The following LRRTM3 variants were observed in gnomAD, a reference collection of about 807,000 sequenced individuals.
LRRTM3 encodes leucine rich repeat transmembrane neuronal 3, also known as leucine-rich repeat transmembrane neuronal protein 3.
LRRTM3 carries 24 observed loss-of-function variants against 44.7 expected under a neutral mutation model. The observed-to-expected ratio is 0.54, with a 90% CI of 0.39 to 0.76. The LOEUF (loss-of-function observed/expected upper bound fraction) is 0.76. Ranked by LOEUF, LRRTM3 falls within the 30% of genes least tolerant of loss-of-function variation. LRRTM3 has a pLI of 0.00. For synonymous variants in LRRTM3, 277 were observed against 278.7 expected, an observed-to-expected ratio of 0.99 and a Z score of 0.06; for missense variants, 587 against 702.2, an observed-to-expected ratio of 0.84 and a Z score of 1.85.
In LRRTM3 at chr10:67,005,682, C is replaced by CTTTTTT. The variant is rs11369576; in HGVS notation, c.1536+77246_1536+77251dup. The stretch of plus-strand genomic sequence containing the variant: ...AATGCTTTTGTTTATTTTACTCCAT[C>CTTTTTT]TTTTTTTTTTTTTTTTTTTTTGAGA... On this transcript the variant is annotated intron_variant, in intron 2 of 2. Transcript: ENST00000361320. 2.9e-4 allele frequency among the ~76,000 whole-genome samples: 18 copies of CTTTTTT among 61,984 alleles called. 2 individuals are homozygous for CTTTTTT. The highest frequency in any genetic ancestry group is 4.8e-4 in the African/African-American group (9 of 18,568). The allele number at this position is 61,984 out of a possible 152,430, so 40.7% of individuals were successfully genotyped here.
chr10:66,971,351 G>A (rs1022173420), intron 2 of LRRTM3, among the ~76,000 whole-genome samples: 14 of 152,162 alleles, frequency 9.2e-5, no homozygotes, highest in South Asian at 2.1e-4. Context: ...GCTTGAACCC[G>A]GGAGGCGGAG....
At chr10:66,978,552 A>AAAAAAAAAAAAAAATATATATAT in intron 2 of LRRTM3, among the ~76,000 whole-genome samples, 1 of 37,884 alleles carries the variant, frequency 2.6e-5, no homozygotes, top group Non-Finnish European at 4.8e-5. Context: ...AAAAAAAAAA[A>AAAAAAAAAAAAAAATATATATAT]ATATATATAT....
At chr10:67,052,313 A>ACTCTCTCTCT (rs3841706) in intron 2 of LRRTM3, among the ~76,000 whole-genome samples, 1,264 of 121,026 alleles carry the variant, frequency 0.01, 39 homozygotes, top group East Asian at 0.078. Flanking sequence ...CCCACTCATC[A>ACTCTCTCTCT]CTCTCTCTCT....
intron 2 of LRRTM3, among the ~76,000 whole-genome samples, chr10:66,932,959 C>T (rs1004089961): frequency 6.6e-6 from 1 of 152,212 alleles, no homozygotes; most frequent in East Asian, 1.9e-4. Context: ...CAAGTCATCA[C>T]AGGTACATTT....
chr10:67,075,500 T>C (rs539892506), intron 2 of LRRTM3, among the ~76,000 whole-genome samples: 2 of 152,196 alleles, frequency 1.3e-5, no homozygotes, highest in South Asian at 4.1e-4. Context: ...AAAGGTGAAG[T>C]TGGAAATACT....
chr10:66,978,552 A>AAAATATAT, intron 2 of LRRTM3, among the ~76,000 whole-genome samples: 1 of 37,862 alleles, frequency 2.6e-5, no homozygotes, highest in African/African-American at 8.7e-5. Flanking sequence ...AAAAAAAAAA[A>AAAATATAT]ATATATATAT....
At chr10:66,935,565 T>C (rs941183880) in intron 2 of LRRTM3, among the ~76,000 whole-genome samples, 9 of 152,028 alleles carry the variant, frequency 5.9e-5, no homozygotes, top group African/African-American at 1.9e-4. Context: ...CTTTCTAATA[T>C]GGCAGAGGAC....
chr10:67,018,649 A>G (rs1589611259), intron 2 of LRRTM3, among the ~76,000 whole-genome samples: 1 of 152,188 alleles, frequency 6.6e-6, no homozygotes, highest in Non-Finnish European at 1.5e-5. Context: ...CTGATCCATT[A>G]CCTACTAGCC....
chr10:66,978,049 C>T (rs1404331702), intron 2 of LRRTM3, among the ~76,000 whole-genome samples: 1 of 3,212 alleles, frequency 3.1e-4, no homozygotes. Flanking sequence ...TAAATTTGCA[C>T]ACACATATAT....
In LRRTM3 at chr10:67,049,877, C is replaced by T. The variant is rs147906897; in HGVS notation, c.1537-47710C>T. ...ATATACACACACATTTTGTATTAGC[C>T]TATGTTATTCTAAGCATTAGTCTTA... On this transcript the variant is annotated intron_variant, in intron 2 of 2. Coordinates refer to ENST00000361320, the MANE Select transcript of LRRTM3 (RefSeq NM_178011.5). Among the ~76,000 whole-genome samples, 368 of 152,152 alleles carry T rather than the reference C, an allele frequency of 2.4e-3. 6 individuals are homozygous for T. The East Asian group carries it at 0.028, about 12-fold the overall frequency.
chr10:67,020,116 A>G (rs1181540704), intron 2 of LRRTM3, among the ~76,000 whole-genome samples: 2 of 152,212 alleles, frequency 1.3e-5, no homozygotes, highest in Non-Finnish European at 2.9e-5. Flanking sequence ...AATAAAAAAC[A>G]TGTTGTCAAA....
At chr10:66,949,386 G>A (rs974885347) in intron 2 of LRRTM3, among the ~76,000 whole-genome samples, 4 of 151,914 alleles carry the variant, frequency 2.6e-5, no homozygotes, top group African/African-American at 4.8e-5. Flanking sequence ...GAGAAACCCC[G>A]TCTCTACTAA....
chr10:66,978,526 CAA>C (rs1170594360), intron 2 of LRRTM3, among the ~76,000 whole-genome samples: 12 of 42,322 alleles, frequency 2.8e-4, no homozygotes, highest in African/African-American at 1.2e-3. Flanking sequence ...GACTCCATCT[CAA>C]AAAAAAAAAA....
At chr10:66,956,228 C>T (rs1338272738) in intron 2 of LRRTM3, among the ~76,000 whole-genome samples, 3 of 151,072 alleles carry the variant, frequency 2.0e-5, no homozygotes, top group Non-Finnish European at 4.4e-5. Context: ...CAGTGGCTGT[C>T]TTGTGCAAAT....
intron 2 of LRRTM3, among the ~76,000 whole-genome samples, chr10:67,089,632 T>C (rs1195958819): frequency 6.6e-6 from 1 of 151,992 alleles, no homozygotes; most frequent in African/African-American, 2.4e-5. Flanking sequence ...AGAAAAAAGA[T>C]GGCTACCTCA....
At chr10:67,016,288 G>A (rs538950897) in intron 2 of LRRTM3, among the ~76,000 whole-genome samples, 1 of 152,190 alleles carries the variant, frequency 6.6e-6, no homozygotes, top group East Asian at 1.9e-4. Flanking sequence ...GAAGTTGGCA[G>A]CCACTATTTC....
chr10:67,031,816 C>A (rs1853747224), intron 2 of LRRTM3, among the ~76,000 whole-genome samples: 1 of 152,116 alleles, frequency 6.6e-6, no homozygotes, highest in Admixed American at 6.5e-5. Flanking sequence ...ATCATAAAAT[C>A]CTGAATCAAG....
At chr10:67,070,671 C>A (rs10997493) in intron 2 of LRRTM3, among the ~76,000 whole-genome samples, 2 of 151,540 alleles carry the variant, frequency 1.3e-5, no homozygotes, top group African/African-American at 4.9e-5. Flanking sequence ...CGCTTGAACC[C>A]GGGAGGCGGA....
intron 2 of LRRTM3, among the ~76,000 whole-genome samples, chr10:66,958,477 A>AG (rs1848948571): frequency 6.6e-6 from 1 of 151,546 alleles, no homozygotes; most frequent in Non-Finnish European, 1.5e-5. Flanking sequence ...TTTTAAAAAA[A>AG]ATAGCATATA....
Sources: allele counts gnomAD v4.1 joint callset (sites outside exome capture counted in the v4.1 genomes callset), GRCh38; gene constraint gnomAD v4.1.1; transcripts MANE v1.5; gene names NCBI Gene and HGNC (gene_info 2026-07-23, HGNC 2026-07-21).